Variants in TMEM132B observed in about 807,000 individuals in gnomAD.
The protein encoded by TMEM132B is transmembrane protein 132B.
In TMEM132B, 18 loss-of-function variants were observed where a neutral mutation model predicts 90.8. The ratio of observed to expected loss-of-function variants is 0.20; its 90% CI spans 0.14 to 0.29. The LOEUF (loss-of-function observed/expected upper bound fraction) is 0.29. Among genes scored for constraint, TMEM132B ranks in the 10% least tolerant of loss-of-function variants. TMEM132B has a pLI of 1.00. For missense variants in TMEM132B, 1,096 were observed against 1,326.8 expected (o/e 0.83, Z 2.70); for synonymous variants, 504 against 523.3 (o/e 0.96, Z 0.50).
Position 125,209,219 on chromosome 12 carries a change from G to A in TMEM132B, c.67+22353G>A, listed in dbSNP as rs1873260394. On this transcript the variant is annotated intron_variant, in intron 1 of 8. Transcript: ENST00000682704. This position sits in a 1 kb window ranked among gnomAD's most constrained non-coding sequence, Gnocchi z 4.4. Reference sequence around the variant, plus strand: ...AAGCCTCTGGCCAGCCTGAGCCTGGGTGCACACGAGGGCCGCTCTCTTTCT... The same window carrying A: ...AAGCCTCTGGCCAGCCTGAGCCTGGATGCACACGAGGGCCGCTCTCTTTCT... Among the ~76,000 whole-genome samples, 1 of 152,200 alleles carries A rather than the reference G, an allele frequency of 6.6e-6. No individual in the cohort carries two copies. Among genetic ancestry groups the A allele is most frequent in the South Asian group, 2.1e-4 (1 of 4,832 alleles).
chr12:125,249,459 G>T (rs866059218), intron 1 of TMEM132B, among the ~76,000 whole-genome samples: 6 of 152,244 alleles, frequency 3.9e-5, no homozygotes, highest in Admixed American at 3.9e-4. Flanking sequence ...CTAGAAAGTT[G>T]ATCTATTAGT....
At chr12:125,250,017 T>C (rs2136101203) in intron 1 of TMEM132B, among the ~76,000 whole-genome samples, 1 of 152,362 alleles carries the variant, frequency 6.6e-6, no homozygotes, top group Non-Finnish European at 1.5e-5. Flanking sequence ...GGGCGTTTTA[T>C]TGGGAGAATC....
At chr12:125,395,496 G>T (rs1021913648) in intron 2 of TMEM132B, among the ~76,000 whole-genome samples, 1 of 152,132 alleles carries the variant, frequency 6.6e-6, no homozygotes, top group African/African-American at 2.4e-5. Flanking sequence ...TTTAATATTT[G>T]CTCTCTGTGC....
chr12:125,473,573 T>G (rs1367130532), intron 3 of TMEM132B, among the ~76,000 whole-genome samples: 2 of 152,206 alleles, frequency 1.3e-5, no homozygotes, highest in African/African-American at 2.4e-5. Context: ...TAAGTTGAAG[T>G]ATATTTTCAT....
intron 1 of TMEM132B, among the ~76,000 whole-genome samples, chr12:125,344,995 C>T (rs974877221): frequency 1.3e-5 from 2 of 152,132 alleles, no homozygotes; most frequent in Non-Finnish European, 2.9e-5. Flanking sequence ...CCTTTTGGCT[C>T]CTGGCCTTCA....
intron 1 of TMEM132B, among the ~76,000 whole-genome samples, chr12:125,239,140 T>C (rs1874007391): frequency 6.6e-6 from 1 of 151,850 alleles, no homozygotes; most frequent in East Asian, 1.9e-4. Context: ...AATTCAGTTT[T>C]GGGGTGGGGA....
At chr12:125,647,627 A>T (rs1281706185) in intron 6 of TMEM132B, among the ~76,000 whole-genome samples, 1 of 152,212 alleles carries the variant, frequency 6.6e-6, no homozygotes, top group Non-Finnish European at 1.5e-5. Flanking sequence ...GAATAAAGAC[A>T]TTCTTAAATG....
At chr12:125,281,856 G>A (rs903882377) in intron 1 of TMEM132B, among the ~76,000 whole-genome samples, 29 of 151,526 alleles carry the variant, frequency 1.9e-4, no homozygotes, top group African/African-American at 2.9e-4. Context: ...GTGAAACCCC[G>A]TCTCTACTAA....
intron 1 of TMEM132B, among the ~76,000 whole-genome samples, chr12:125,188,331 C>T (rs1394168512): frequency 1.3e-5 from 2 of 152,148 alleles, no homozygotes; most frequent in Admixed American, 1.3e-4. Flanking sequence ...GCTGCTGGGG[C>T]CGAGGCTGTT....
In TMEM132B at chr12:125,657,182, G is replaced by A. The variant is rs150619010; in HGVS notation, c.*2472G>A. 2 of 152,316 alleles carry A rather than the reference G, an allele frequency of 1.3e-5. No homozygotes were observed. Among genetic ancestry groups the A allele is most frequent in the African/African-American group, 4.8e-5 (2 of 41,558 alleles). The allele number at this position is 152,316 out of a possible 1,614,324, so 9.4% of individuals were successfully genotyped here. ...TCTTGTGACAACTTAGAGTCACTGG[G>A]AGTCACACAGCTCCTGTGTAGCCGC... On this transcript the variant is annotated 3_prime_UTR_variant, in exon 9 of 9. Transcript: ENST00000682704.
intron 1 of TMEM132B, among the ~76,000 whole-genome samples, chr12:125,207,227 C>T (rs201988035): frequency 1.3e-5 from 2 of 152,176 alleles, no homozygotes; most frequent in East Asian, 3.8e-4. Context: ...AGCACTGGGT[C>T]CTCTTCCCAG....
intron 3 of TMEM132B, among the ~76,000 whole-genome samples, chr12:125,516,074 CTCTCACGCTA>C (rs1883149705): frequency 6.6e-6 from 1 of 151,914 alleles, no homozygotes; most frequent in Non-Finnish European, 1.5e-5. Context: ...CTCACACACA[CTCTCACGCTA>C]TCTCACACAC....
chr12:125,452,928 A>T (rs1372528567), intron 3 of TMEM132B, among the ~76,000 whole-genome samples: 1 of 152,056 alleles, frequency 6.6e-6, no homozygotes, highest in East Asian at 1.9e-4. Context: ...ATTTTCATGG[A>T]GTCTTTTGCC....
intron 2 of TMEM132B, among the ~76,000 whole-genome samples, chr12:125,375,000 G>T (rs542255258): frequency 2.6e-5 from 4 of 152,246 alleles, no homozygotes; most frequent in South Asian, 2.1e-4. Flanking sequence ...AATAGGATTT[G>T]CTGACCATAA....
At chr12:125,493,041 G>A (rs766950762) in intron 3 of TMEM132B, among the ~76,000 whole-genome samples, 3 of 152,146 alleles carry the variant, frequency 2.0e-5, no homozygotes, top group Non-Finnish European at 2.9e-5. Context: ...CAGGTGGCAC[G>A]TCACCTGCGA....
At chr12:125,573,177 T>C (rs950500943) in intron 4 of TMEM132B, among the ~76,000 whole-genome samples, 1 of 152,118 alleles carries the variant, frequency 6.6e-6, no homozygotes, top group Admixed American at 6.5e-5. Context: ...GCTAAAGGGG[T>C]GTTATATCTA....
At chr12:125,462,015 CTG>C (rs956930593) in intron 3 of TMEM132B, among the ~76,000 whole-genome samples, 5 of 152,254 alleles carry the variant, frequency 3.3e-5, no homozygotes, top group Admixed American at 3.3e-4. Context: ...GAACCAGTCA[CTG>C]TGATTCATGG....
intron 4 of TMEM132B, among the ~76,000 whole-genome samples, chr12:125,564,250 TAATC>T (rs1246622498): frequency 2.0e-5 from 3 of 152,246 alleles, no homozygotes; most frequent in Non-Finnish European, 4.4e-5. Context: ...TTTTATATAT[TAATC>T]AATGCTTATG....
chr12:125,414,862 C>A (rs405056), intron 2 of TMEM132B, among the ~76,000 whole-genome samples: 27,742 of 152,124 alleles, frequency 0.18, 3,091 homozygotes, highest in South Asian at 0.33. Context: ...AGGATCATTT[C>A]AGGAGCAGTG....
Sources: allele counts gnomAD v4.1 joint callset (sites outside exome capture counted in the v4.1 genomes callset), GRCh38; gene constraint gnomAD v4.1.1; non-coding constraint Gnocchi (gnomAD v3.1); transcripts MANE v1.5; gene names NCBI Gene and HGNC (gene_info 2026-07-23, HGNC 2026-07-21).